Variants in ARID1B observed in about 807,000 individuals in gnomAD.
The protein encoded by ARID1B is AT-rich interaction domain 1B, also known as AT-rich interactive domain-containing protein 1B.
Under a neutral mutation model 212.3 loss-of-function variants are expected in ARID1B, and 30 were observed. The observed-to-expected ratio is 0.14, with a 90% CI of 0.11 to 0.19. The LOEUF is 0.19. Ranked by LOEUF, ARID1B falls within the 10% of genes least tolerant of loss-of-function variation. ARID1B has a pLI of 1.00. For missense variants in ARID1B, 2,891 were observed against 3,204.0 expected, an observed-to-expected ratio of 0.90 and a Z score of 2.36; for synonymous variants, 1,402 against 1,301.7, an observed-to-expected ratio of 1.08 and a Z score of -1.66.
At chr6:157,089,929 G>A (rs1330889086) in intron 5 of ARID1B, among the ~76,000 whole-genome samples, 1 of 150,952 alleles carries the variant, frequency 6.6e-6, no homozygotes, top group East Asian at 1.9e-4. Flanking sequence ...TTTTCACTTT[G>A]GCGTTAGGAG....
At chr6:157,132,981 A>C in intron 6 of ARID1B, 47 bp from the exon 7 acceptor site, 1 of 1,556,654 alleles carries the variant, frequency 6.4e-7, no homozygotes, top group Non-Finnish European at 8.7e-7. Context: ...GTATGCAGAG[A>C]TTATGAAACA....
At chr6:157,108,756 A>G (rs1446296850) in intron 5 of ARID1B, among the ~76,000 whole-genome samples, 1 of 152,238 alleles carries the variant, frequency 6.6e-6, no homozygotes, top group Non-Finnish European at 1.5e-5. Context: ...CTGAAACCAA[A>G]TGGATACTTA....
intron 4 of ARID1B, among the ~76,000 whole-genome samples, chr6:157,032,568 C>G (rs1376428327): frequency 1.3e-5 from 2 of 152,150 alleles, no homozygotes; most frequent in African/African-American, 2.4e-5. Flanking sequence ...GTTGAGAAAC[C>G]TAGGTGTACA....
At chr6:157,089,749 C>T (rs1296701376) in intron 5 of ARID1B, among the ~76,000 whole-genome samples, 1 of 152,066 alleles carries the variant, frequency 6.6e-6, no homozygotes, top group African/African-American at 2.4e-5. Flanking sequence ...GAAATAGCTC[C>T]ATCTTTGTAA....
intron 1 of ARID1B, among the ~76,000 whole-genome samples, chr6:156,806,285 A>C (rs535165207): frequency 7.9e-5 from 12 of 152,308 alleles, no homozygotes; most frequent in African/African-American, 2.9e-4. Context: ...TGGTCTTTGG[A>C]AGGTTCTTTT....
intron 3 of ARID1B, among the ~76,000 whole-genome samples, chr6:156,934,961 T>TAG (rs1554270718): frequency 1.2e-4 from 11 of 90,440 alleles, no homozygotes; most frequent in African/African-American, 4.3e-4. Flanking sequence ...TATATATATA[T>TAG]AGTTTATATT....
chr6:156,898,399 C>T (rs1198924675), intron 2 of ARID1B, among the ~76,000 whole-genome samples: 1 of 152,090 alleles, frequency 6.6e-6, no homozygotes, highest in Non-Finnish European at 1.5e-5. Flanking sequence ...AGAAGCCTAA[C>T]TGGGTTCAGG....
At chr6:157,112,802 A>G (rs374596710) in intron 6 of ARID1B, among the ~76,000 whole-genome samples, 1 of 152,168 alleles carries the variant, frequency 6.6e-6, no homozygotes, top group Non-Finnish European at 1.5e-5. Flanking sequence ...GTACCACTGT[A>G]TGGAAATTAC....
At chr6:157,021,863 C>T (rs1780312974) in intron 4 of ARID1B, among the ~76,000 whole-genome samples, 1 of 152,106 alleles carries the variant, frequency 6.6e-6, no homozygotes, top group South Asian at 2.1e-4. Flanking sequence ...CGAGTGTTTC[C>T]CCTGCGCCGT....
At chr6:157,159,077 C>T (rs1392836834) in intron 8 of ARID1B, among the ~76,000 whole-genome samples, 1 of 152,232 alleles carries the variant, frequency 6.6e-6, no homozygotes, top group Non-Finnish European at 1.5e-5. Flanking sequence ...TTAGGACCCA[C>T]TGCTACCCCC....
At position 156,816,997 on chromosome 6, in the gene ARID1B, G is replaced by A. The variant is rs1186029791; in HGVS notation, c.1792-12230G>A. 2.0e-5 allele frequency among the ~76,000 whole-genome samples: 3 copies of A among 151,900 alleles called. No individual in the cohort carries two copies. The East Asian group carries it at 5.8e-4, about 29-fold the overall frequency. On this transcript the variant is annotated intron_variant, in intron 1 of 19. Coordinates refer to ENST00000636930, the MANE Select transcript of ARID1B (RefSeq NM_001374828.1). ...TTTGATACCACAGCATAATCAGAAG[G>A]TCTGGCAGGGAGGGAGAAGGGAAGA...
chr6:157,060,396 T>C (rs571806535), intron 4 of ARID1B, among the ~76,000 whole-genome samples: 2 of 152,126 alleles, frequency 1.3e-5, no homozygotes, highest in Non-Finnish European at 2.9e-5. Flanking sequence ...TAGTCTCTGT[T>C]TGTATGCAAA....
chr6:156,808,897 G>T (rs1781368317), intron 1 of ARID1B, among the ~76,000 whole-genome samples: 1 of 152,078 alleles, frequency 6.6e-6, no homozygotes, highest in Non-Finnish European at 1.5e-5. Context: ...TTGTGCTTTG[G>T]GAGAAATGTC....
At chr6:156,912,598 G>A (rs999182537) in intron 3 of ARID1B, among the ~76,000 whole-genome samples, 57 of 152,124 alleles carry the variant, frequency 3.7e-4, no homozygotes, top group African/African-American at 1.3e-3. Flanking sequence ...AAAGGCTTAA[G>A]CCCTGCCCCT....
At chr6:156,957,255 C>T (rs925844412) in intron 4 of ARID1B, among the ~76,000 whole-genome samples, 5 of 152,220 alleles carry the variant, frequency 3.3e-5, no homozygotes, top group Non-Finnish European at 5.9e-5. Flanking sequence ...CCACGTCTTT[C>T]TCCTTGCCTG....
chr6:156,838,677 C>T (rs1476870919), intron 2 of ARID1B, among the ~76,000 whole-genome samples: 1 of 149,924 alleles, frequency 6.7e-6, no homozygotes, highest in Non-Finnish European at 1.5e-5. Flanking sequence ...AACAAACCTG[C>T]ATGTTGTACA....
intron 4 of ARID1B, among the ~76,000 whole-genome samples, chr6:156,958,369 C>T (rs1794121358): frequency 6.6e-6 from 1 of 152,240 alleles, no homozygotes; most frequent in African/African-American, 2.4e-5. Context: ...CTGTACACTT[C>T]AGCAGCAAAA....
intron 11 of ARID1B, among the ~76,000 whole-genome samples, chr6:157,176,234 C>A (rs967779343): frequency 1.3e-5 from 2 of 152,118 alleles, no homozygotes; most frequent in African/African-American, 4.8e-5. Context: ...AAAGAGAAAG[C>A]GCTTCTAGGA....
At position 157,148,738 on chromosome 6, in the gene ARID1B, A is replaced by G; in HGVS notation, c.2876A>G (p.Gln959Arg). The G allele has an allele frequency of 6.2e-7, 1 of 1,613,264 alleles. No individual in the cohort carries two copies. Among genetic ancestry groups the G allele is most frequent in the Non-Finnish European group, 8.5e-7 (1 of 1,179,972 alleles). The change falls in exon 8 of 20, where the codon CAG becomes CGG. Residue 959 changes from glutamine to arginine, a missense_variant. Physicochemically the swap from Gln to Arg is conservative, Grantham distance 43. Around this residue, in one of 7 missense-constraint regions of ARID1B, gnomAD observed 1,643 missense variants for 1,544.0 expected, o/e 1.06. Transcript: ENST00000636930. The surrounding 1 kb of genome is among the most constrained non-coding windows in gnomAD (Gnocchi z 5.6). ...CAGATGCATGGACAAGGGCCAAGCCAGCCATGTGGTGCTGTGCCCCTGGGA... is the reference window on the plus strand; with the variant it reads ...CAGATGCATGGACAAGGGCCAAGCCGGCCATGTGGTGCTGTGCCCCTGGGA... ...NNQMHGQGPSQPCGAVPLGRM... is the reference protein window; with the variant it reads ...NNQMHGQGPSRPCGAVPLGRM...
Sources: gnomAD v4.1 joint callset for allele counts (sites outside exome capture counted in the v4.1 genomes callset) on GRCh38, gnomAD v4.1.1 for gene constraint, gnomAD v4.1.1 regional missense constraint, Gnocchi (gnomAD v3.1) non-coding constraint, MANE v1.5 for transcripts, NCBI Gene and HGNC (gene_info 2026-07-23, HGNC 2026-07-21) for gene names.